The following USP24 variants were observed in gnomAD, a reference collection of about 807,000 sequenced individuals.
USP24 encodes ubiquitin specific peptidase 24.
USP24 carries 97 observed loss-of-function variants against 361.6 expected under a neutral mutation model. The observed-to-expected ratio is 0.27, with a 90% confidence interval of 0.23 to 0.32. USP24 has a LOEUF of 0.32. Ranked by LOEUF, USP24 falls within the 10% of genes least tolerant of loss-of-function variation. The probability of loss-of-function intolerance (pLI) is 1.00; values close to 1 mark genes in which losing one functional copy is unlikely to be tolerated. For synonymous variants in USP24, 1,098 were observed against 1,124.6 expected (o/e 0.98, Z 0.47); for missense variants, 2,353 against 3,165.6 (o/e 0.74, Z 6.16).
intron 3 of USP24, 93 bp downstream of exon 3, chr1:55,176,283 T>C (rs1649975540): frequency 2.5e-6 from 3 of 1,183,214 alleles, no homozygotes; most frequent in East Asian, 2.6e-5. Flanking sequence ...GTCTTATACA[T>C]AAAAAACTAA....
At chr1:55,214,197 A>G (rs1644921970) in intron 1 of USP24, among the ~76,000 whole-genome samples, 1 of 150,402 alleles carries the variant, frequency 6.6e-6, no homozygotes, top group African/African-American at 2.5e-5. Flanking sequence ...AATCCTACTC[A>G]ATGCCCCCCC....
intron 57 of USP24, 112 bp from the exon 58 acceptor site, chr1:55,083,476 T>G: frequency 9.6e-7 from 1 of 1,040,200 alleles, no homozygotes; most frequent in East Asian, 2.6e-5. Flanking sequence ...TTTAAGAATA[T>G]TATTTCCATA....
intron 38 of USP24, among the ~76,000 whole-genome samples, chr1:55,114,318 C>G (rs1646042561): frequency 6.6e-6 from 1 of 152,138 alleles, no homozygotes; most frequent in African/African-American, 2.4e-5. Flanking sequence ...CCACGCTGCC[C>G]AAAGTAATTT....
At chr1:55,178,451 G>T (rs955384772) in intron 1 of USP24, among the ~76,000 whole-genome samples, 1 of 151,582 alleles carries the variant, frequency 6.6e-6, no homozygotes, top group Non-Finnish European at 1.5e-5. Context: ...GGTGGATCAC[G>T]AGGTCAGGAG....
chr1:55,138,866 T>C, intron 25 of USP24, 78 bp downstream of exon 25: 2 of 1,485,080 alleles, frequency 1.3e-6, no homozygotes, highest in Non-Finnish European at 1.9e-6. Flanking sequence ...AACTCCCAGC[T>C]GCTAGAAAGG....
intron 11 of USP24, 92 bp downstream of exon 11, chr1:55,157,164 C>G (rs910438416): frequency 2.9e-5 from 39 of 1,330,236 alleles, no homozygotes; most frequent in Non-Finnish European, 3.7e-5. Context: ...AAGACTAATA[C>G]AGTCAAAGCA....
chr1:55,141,509 G>T (rs1373478054), intron 24 of USP24, 107 bp downstream of exon 24: 1 of 995,892 alleles, frequency 1.0e-6, no homozygotes. Flanking sequence ...CAAAAATTAT[G>T]ATATAAAATG....
At chr1:55,212,811 A>C (rs141034417) in intron 1 of USP24, among the ~76,000 whole-genome samples, 313 of 152,260 alleles carry the variant, frequency 2.1e-3, no homozygotes, top group African/African-American at 7.4e-3. Flanking sequence ...CCCCAGGCCA[A>C]ATCCACAGGT....
chr1:55,134,973 G>A (rs968682759), intron 28 of USP24, among the ~76,000 whole-genome samples: 7 of 151,890 alleles, frequency 4.6e-5, no homozygotes, highest in African/African-American at 1.5e-4. Context: ...ATAAGAAATC[G>A]GACATCATTA....
At chr1:55,200,101 G>T (rs926715427) in intron 1 of USP24, among the ~76,000 whole-genome samples, 2 of 152,224 alleles carry the variant, frequency 1.3e-5, no homozygotes, top group Non-Finnish European at 2.9e-5. Flanking sequence ...CGCACAACAC[G>T]TGGACGTGGG....
chr1:55,168,260 G>A lies in USP24; in HGVS notation c.826-1657C>T, dbSNP rs550529811. 5.3e-5 allele frequency among the ~76,000 whole-genome samples: 8 copies of A among 152,262 alleles called. No individual in the cohort carries two copies. In the South Asian group the frequency reaches 1.7e-3, roughly 32 times the overall value. On this transcript the variant is annotated intron_variant, in intron 5 of 67. Transcript: ENST00000294383. Reference sequence around the variant, plus strand: ...CATGCAGGGGTGTTGGTGTCTTAACGAGAATTATTTCAGCAGATGGTGGAC... The same window carrying A: ...CATGCAGGGGTGTTGGTGTCTTAACAAGAATTATTTCAGCAGATGGTGGAC...
chr1:55,077,140 G>A, intron 62 of USP24, 95 bp downstream of exon 62: 1 of 1,161,020 alleles, frequency 8.6e-7, no homozygotes, highest in Non-Finnish European at 1.2e-6. Flanking sequence ...CAAATGAATG[G>A]AGAAATAATA....
intron 1 of USP24, among the ~76,000 whole-genome samples, chr1:55,209,405 A>G (rs1192665550): frequency 6.6e-6 from 1 of 152,178 alleles, no homozygotes; most frequent in Non-Finnish European, 1.5e-5. Flanking sequence ...TGAAACACAT[A>G]ATAAAGCTGT....
At chr1:55,161,398 A>G (rs1648267812) in intron 8 of USP24, among the ~76,000 whole-genome samples, 1 of 151,824 alleles carries the variant, frequency 6.6e-6, no homozygotes, top group East Asian at 1.9e-4. Flanking sequence ...AAAGAAAAGA[A>G]AAAAGAAATA....
chr1:55,178,247 GCATGGATT>G, intron 1 of USP24, 115 bp from the exon 2 acceptor site: 14 of 1,024,696 alleles, frequency 1.4e-5, no homozygotes, highest in Non-Finnish European at 1.7e-5. Context: ...AATACCAATA[GCATGGATT>G]CTACCTTTCT....
intron 62 of USP24, among the ~76,000 whole-genome samples, chr1:55,075,977 A>G (rs1327454366): frequency 1.3e-5 from 2 of 152,152 alleles, no homozygotes; most frequent in African/African-American, 2.4e-5. Context: ...AAAGAAAACA[A>G]AACAAAACAA....
intron 38 of USP24, among the ~76,000 whole-genome samples, chr1:55,113,498 C>G (rs1356953819): frequency 6.6e-6 from 1 of 152,102 alleles, no homozygotes; most frequent in Non-Finnish European, 1.5e-5. Context: ...TTCCAAGCAA[C>G]AGAAAAAGAG....
chr1:55,156,938 A>C lies in USP24; in HGVS notation c.1446+10T>G. On this transcript the variant is annotated intron_variant, in intron 12 of 67. Transcript: ENST00000294383. ...TTAGCCAAAGGCAAAAATAATTCTG[A>C]TCAACCTACCTGTATCTTCCAAATT... 1 of 1,601,588 alleles carries C rather than the reference A, an allele frequency of 6.2e-7. No individual in the cohort carries two copies. Among genetic ancestry groups the C allele is most frequent in the Non-Finnish European group, 8.6e-7 (1 of 1,169,506 alleles).
intron 1 of USP24, among the ~76,000 whole-genome samples, chr1:55,211,438 G>A (rs1269715096): frequency 2.0e-5 from 3 of 152,160 alleles, no homozygotes; most frequent in African/African-American, 7.2e-5. Context: ...TTACTTAATT[G>A]GAGGATATTA....
Sources: allele counts gnomAD v4.1 joint callset (sites outside exome capture counted in the v4.1 genomes callset), GRCh38; gene constraint gnomAD v4.1.1; transcripts MANE v1.5; gene names NCBI Gene and HGNC (gene_info 2026-07-23, HGNC 2026-07-21).